Variants in GRIK3 observed in about 807,000 individuals in gnomAD.
GRIK3 encodes the protein glutamate receptor ionotropic, kainate 3.
GRIK3 carries 29 observed loss-of-function variants against 102.5 expected under a neutral mutation model. That is an observed-to-expected ratio of 0.28 (90% CI 0.21 to 0.39). The LOEUF is 0.39. GRIK3 is among the 10% of genes least tolerant of loss of function. GRIK3 has a pLI of 1.00. For synonymous variants in GRIK3, 511 were observed against 504.9 expected, an observed-to-expected ratio of 1.01 and a Z score of -0.16; for missense variants, 908 against 1,252.4, an observed-to-expected ratio of 0.73 and a Z score of 4.15.
chr1:36,880,705 C>T lies in GRIK3; in HGVS notation c.479G>A (p.Ser160Asn). ...VNLYPDYASL[S>N]HAILDLVQYL... The stretch of plus-strand genomic sequence containing the variant: ...CTGGACCAGGTCGAGGATGGCATGG[C>T]TGAGCGAGGCGTAGTCGGGGTAGAG... Residue 160 changes from serine to asparagine, a missense_variant, in exon 3 of 16, where the codon AGC becomes AAC. Ser to Asn is a conservative substitution (Grantham distance 46, BLOSUM62 1). Around this residue, in one of 3 missense-constraint regions of GRIK3, gnomAD observed 585 missense variants for 824.9 expected, o/e 0.71. Transcript: ENST00000373091. The surrounding 1 kb of genome is among the most constrained non-coding windows in gnomAD (Gnocchi z 5.4). 6.2e-7 allele frequency: 1 copy of T among 1,614,126 alleles called. No homozygotes were observed. The highest frequency in any genetic ancestry group is 8.5e-7 in the Non-Finnish European group (1 of 1,179,992).
chr1:36,949,978 T>C (rs544401209), intron 1 of GRIK3, among the ~76,000 whole-genome samples: 2 of 152,262 alleles, frequency 1.3e-5, no homozygotes, highest in East Asian at 1.9e-4. Context: ...CTGGTAAATA[T>C]CAGAGCCAGG....
chr1:36,805,166 T>A lies in GRIK3; in HGVS notation c.2386A>T (p.Lys796Ter). 1 of 1,614,194 alleles carries A rather than the reference T, an allele frequency of 6.2e-7. No individual in the cohort carries two copies. Among genetic ancestry groups the A allele is most frequent in the Non-Finnish European group, 8.5e-7 (1 of 1,180,026 alleles). The change falls in exon 15 of 16, where the codon AAG becomes TAG. Residue 796 changes from lysine (K) to a stop codon, truncating the protein, a stop_gained. Transcript: ENST00000373091. LOFTEE classifies it high-confidence loss of function. ...LQEEDKLHIMKEKWWRGSGCP... is the reference protein window; with the variant it reads ...LQEEDKLHIM ...CCGCTGCCCCGCCACCACTTCTCCT[T>A]CATGATATGCAGCTTGTCCTCCTCC...
chr1:36,891,201 A>G, intron 1 of GRIK3, 105 bp from the exon 2 acceptor site: 1 of 787,296 alleles, frequency 1.3e-6, no homozygotes, highest in South Asian at 1.9e-5. Flanking sequence ...GCTCCCTGAA[A>G]TGTTCAATAA....
intron 1 of GRIK3, among the ~76,000 whole-genome samples, chr1:36,981,020 G>A (rs1468319747): frequency 2.0e-5 from 3 of 152,182 alleles, no homozygotes; most frequent in African/African-American, 7.2e-5. Context: ...CTGATTGCTG[G>A]ATGTATACCA....
chr1:36,808,921 A>G (rs1302040388), intron 13 of GRIK3, among the ~76,000 whole-genome samples: 1 of 152,122 alleles, frequency 6.6e-6, no homozygotes, highest in African/African-American at 2.4e-5. Flanking sequence ...TAGTCCAGTC[A>G]TCTCTGCTTT....
chr1:37,009,860 G>T (rs1642571521), intron 1 of GRIK3, among the ~76,000 whole-genome samples: 1 of 152,140 alleles, frequency 6.6e-6, no homozygotes, highest in Admixed American at 6.5e-5. Context: ...CAGTCCTGAG[G>T]ATGCTGTGGG....
At chr1:36,870,789 G>T (rs545785264) in intron 4 of GRIK3, among the ~76,000 whole-genome samples, 16 of 152,222 alleles carry the variant, frequency 1.1e-4, no homozygotes, top group African/African-American at 3.9e-4. Flanking sequence ...CTATAAATTG[G>T]GCACAAGAAT....
intron 3 of GRIK3, among the ~76,000 whole-genome samples, chr1:36,873,873 C>G (rs1640871734): frequency 6.6e-6 from 1 of 152,130 alleles, no homozygotes; most frequent in Non-Finnish European, 1.5e-5. Context: ...TTTCACTCAA[C>G]TTCAAATATG....
intron 1 of GRIK3, among the ~76,000 whole-genome samples, chr1:36,976,766 C>T (rs1250241945): frequency 6.6e-6 from 1 of 152,172 alleles, no homozygotes; most frequent in Non-Finnish European, 1.5e-5. Flanking sequence ...TCTATACCAG[C>T]ACAGTCCCAA....
intron 7 of GRIK3, among the ~76,000 whole-genome samples, chr1:36,858,588 G>C (rs970546149): frequency 2.0e-5 from 3 of 152,188 alleles, no homozygotes; most frequent in East Asian, 1.9e-4. Context: ...GGGTCCCAGT[G>C]GGGGTGCTGG....
At position 36,796,423 on chromosome 1, in the gene GRIK3, T is replaced by A. The variant is rs1052664570; in HGVS notation, c.*5428A>T. 4.6e-5 allele frequency: 7 copies of A among 152,304 alleles called. No homozygotes were observed. The highest frequency in any genetic ancestry group is 1.7e-4 in the African/African-American group (7 of 41,436). 9.4% of individuals were successfully genotyped at this position (152,304 alleles called of 1,614,324 possible). A position where few individuals can be genotyped will look rare whatever the true frequency, so the allele number is the denominator to read the frequency against. Reference sequence around the variant, plus strand: ...GGCTCTGAGGTCGCTCCCTGACAGCTGGTCTCTGGGTCAAATGGGGCTGGG... The same window carrying A: ...GGCTCTGAGGTCGCTCCCTGACAGCAGGTCTCTGGGTCAAATGGGGCTGGG... On this transcript the variant is annotated 3_prime_UTR_variant, in exon 16 of 16. Transcript: ENST00000373091.
intron 10 of GRIK3, among the ~76,000 whole-genome samples, chr1:36,833,946 C>T (rs1471715909): frequency 1.3e-5 from 2 of 152,194 alleles, no homozygotes; most frequent in Admixed American, 1.3e-4. Context: ...AGATCTTCCC[C>T]CAAAGTTTCC....
intron 1 of GRIK3, among the ~76,000 whole-genome samples, chr1:36,910,885 G>A (rs541668514): frequency 2.0e-5 from 3 of 152,294 alleles, no homozygotes; most frequent in African/African-American, 7.2e-5. Flanking sequence ...CTCAGAACAG[G>A]AGGTGAGTGG....
At chr1:37,019,133 T>C (rs75337791) in intron 1 of GRIK3, among the ~76,000 whole-genome samples, 5,381 of 152,294 alleles carry the variant, frequency 0.035, 148 homozygotes, top group Middle Eastern at 0.058. Context: ...ACTTACAAAT[T>C]GGGTACTAAC....
At chr1:37,024,627 C>A (rs1642748992) in intron 1 of GRIK3, among the ~76,000 whole-genome samples, 1 of 150,640 alleles carries the variant, frequency 6.6e-6, no homozygotes, top group African/African-American at 2.4e-5. Flanking sequence ...CCTGTAGTGC[C>A]AGCTCCTCAG....
At chr1:36,914,752 T>C (rs1391569742) in intron 1 of GRIK3, among the ~76,000 whole-genome samples, 1 of 152,224 alleles carries the variant, frequency 6.6e-6, no homozygotes, top group Admixed American at 6.5e-5. Context: ...TGGATTTTGC[T>C]TTTTAAAGAT....
Position 36,872,423 on chromosome 1 carries a change from C to T in GRIK3, c.551-54G>A. On this transcript the variant is annotated intron_variant, in intron 3 of 15. Coordinates refer to ENST00000373091, the MANE Select transcript of GRIK3 (RefSeq NM_000831.4). The surrounding 1 kb of genome is among the most constrained non-coding windows in gnomAD (Gnocchi z 5.9). ...ACGTGTACCACATGTATCCACAGCT[C>T]CAGGCATCCACTTGGACTTGTGTGC... 1.4e-6 allele frequency: 2 copies of T among 1,392,928 alleles called. No homozygotes were observed. The highest frequency in any genetic ancestry group is 2.0e-6 in the Non-Finnish European group (2 of 1,020,224). 86.3% of individuals were successfully genotyped at this position (1,392,928 alleles called of 1,614,324 possible). A position where few individuals can be genotyped will look rare whatever the true frequency, so the allele number is the denominator to read the frequency against.
intron 1 of GRIK3, among the ~76,000 whole-genome samples, chr1:37,031,225 T>G (rs1397653853): frequency 6.6e-6 from 1 of 152,238 alleles, no homozygotes; most frequent in Non-Finnish European, 1.5e-5. Context: ...CATATTCACA[T>G]AAAATAATCA....
Position 36,798,319 on chromosome 1 carries a change from G to A in GRIK3, c.*3532C>T, listed in dbSNP as rs957353445. The A allele has an allele frequency of 6.6e-6, 1 of 152,426 alleles. No homozygotes were observed. The highest frequency in any genetic ancestry group is 6.5e-5 in the Admixed American group (1 of 15,308). The allele number at this position is 152,426 out of a possible 1,614,324, so 9.4% of individuals were successfully genotyped here. The stretch of plus-strand genomic sequence containing the variant: ...CACTTGCATTTGGGGATGCAGTGGG[G>A]ACATTCTTCTGTTCAGGGCTGGCAT... On this transcript the variant is annotated 3_prime_UTR_variant, in exon 16 of 16. Transcript: ENST00000373091.
Sources: gnomAD v4.1 joint callset for allele counts (sites outside exome capture counted in the v4.1 genomes callset) on GRCh38, gnomAD v4.1.1 for gene constraint, gnomAD v4.1.1 regional missense constraint, Gnocchi (gnomAD v3.1) non-coding constraint, MANE v1.5 for transcripts, NCBI Gene and HGNC (gene_info 2026-07-23, HGNC 2026-07-21) for gene names.